The following MYOM1 variants were observed in gnomAD, a reference collection of about 807,000 sequenced individuals.
MYOM1 encodes myomesin 1.
MYOM1 carries 164 observed loss-of-function variants against 205.3 expected under a neutral mutation model. The observed-to-expected ratio is 0.80, with a 90% CI of 0.70 to 0.91. The LOEUF (loss-of-function observed/expected upper bound fraction) is 0.91. Among genes scored for constraint, MYOM1 ranks in the 40% least tolerant of loss-of-function variants. The probability of loss-of-function intolerance (pLI) is 0.00; values close to 1 mark genes in which losing one functional copy is unlikely to be tolerated. For synonymous variants in MYOM1, 772 were observed against 789.4 expected (o/e 0.98, Z 0.37); for missense variants, 2,011 against 2,127.3 (o/e 0.95, Z 1.08).
At chr18:3,076,122 G>A (rs574601890) in intron 34 of MYOM1, among the ~76,000 whole-genome samples, 1 of 152,134 alleles carries the variant, frequency 6.6e-6, no homozygotes, top group Non-Finnish European at 1.5e-5. Context: ...GAGTGCAGTG[G>A]TGCAATCTCG....
chr18:3,072,973 A>ACT (rs1555613713), intron 36 of MYOM1, among the ~76,000 whole-genome samples: 1 of 102,440 alleles, frequency 9.8e-6, no homozygotes, highest in Non-Finnish European at 1.9e-5. Context: ...AGATGTAAGC[A>ACT]TTTTTTTTTT....
the MYOM1 span, among the ~76,000 whole-genome samples, chr18:3,235,884 G>A: frequency 3.9e-4 from 60 of 152,336 alleles, no homozygotes; most frequent in African/African-American, 1.4e-3. Context: ...CGAAAGAGTT[G>A]AGGGCATGAG....
At chr18:3,150,899 T>C (rs1356813621) in intron 12 of MYOM1, among the ~76,000 whole-genome samples, 1 of 151,390 alleles carries the variant, frequency 6.6e-6, no homozygotes, top group African/African-American at 2.4e-5. Flanking sequence ...ACTGCAGCCT[T>C]GACCTCCTGG....
chr18:3,142,875 A>T (rs1440823158), intron 13 of MYOM1, among the ~76,000 whole-genome samples: 1 of 152,210 alleles, frequency 6.6e-6, no homozygotes, highest in East Asian at 1.9e-4. Flanking sequence ...TTTAGTTTAC[A>T]GTTACAGTAA....
rs958340295 is a variant in MYOM1, at chr18:3,148,659, A to G, written c.1900+486T>C. 4.6e-5 allele frequency among the ~76,000 whole-genome samples: 7 copies of G among 151,988 alleles called. No homozygotes were observed. In the East Asian group the frequency reaches 1.2e-3, roughly 25 times the overall value. On this transcript the variant is annotated intron_variant, in intron 13 of 37. Transcript: ENST00000356443. ...TCAGGAGATCGAGACCATCCTGGCT[A>G]ACACGGTGAAATCCCGTCTCTACTA...
the MYOM1 span, among the ~76,000 whole-genome samples, chr18:3,231,445 C>A: frequency 3.9e-5 from 6 of 151,974 alleles, no homozygotes; most frequent in Admixed American, 2.0e-4. Flanking sequence ...GCCCATGAAA[C>A]CCTTGAGAGA....
intron 3 of MYOM1, among the ~76,000 whole-genome samples, chr18:3,191,343 G>C (rs550132258): frequency 6.6e-6 from 1 of 152,114 alleles, no homozygotes; most frequent in Non-Finnish European, 1.5e-5. Context: ...CACTGCATTC[G>C]CCAGGCCTAC....
chr18:3,112,507 AT>A, intron 21 of MYOM1, 95 bp from the exon 22 acceptor site: 2 of 864,790 alleles, frequency 2.3e-6, no homozygotes, highest in Non-Finnish European at 1.7e-6. Flanking sequence ...TGTAGTAATG[AT>A]TTAGTGACCT....
At chr18:3,194,826 TAAGA>T (rs1173041401) in intron 2 of MYOM1, among the ~76,000 whole-genome samples, 1 of 151,952 alleles carries the variant, frequency 6.6e-6, no homozygotes, top group Non-Finnish European at 1.5e-5. Context: ...ATCTACACAT[TAAGA>T]AAGATGTTAA....
At chr18:3,172,578 C>T (rs56824168) in intron 8 of MYOM1, among the ~76,000 whole-genome samples, 26,520 of 151,888 alleles carry the variant, frequency 0.17, 2,556 homozygotes, top group East Asian at 0.38. Context: ...GGCGTGATCT[C>T]GGCTTACTGC....
chr18:3,214,635 C>T (rs1251667390), intron 2 of MYOM1, among the ~76,000 whole-genome samples: 2 of 152,058 alleles, frequency 1.3e-5, no homozygotes, highest in African/African-American at 4.8e-5. Context: ...ACCAGCCTAG[C>T]CAACATGGTG....
the MYOM1 span, among the ~76,000 whole-genome samples, chr18:3,228,569 AG>A: frequency 6.6e-6 from 1 of 152,286 alleles, no homozygotes; most frequent in Non-Finnish European, 1.5e-5. The surrounding 1 kb of genome is among the most constrained non-coding windows in gnomAD (Gnocchi z 4.5). Flanking sequence ...CTGAGTTTTC[AG>A]TTTCAATTCA....
At chr18:3,119,748 GC>G in intron 20 of MYOM1, 120 bp downstream of exon 20, 1 of 1,261,792 alleles carries the variant, frequency 7.9e-7, no homozygotes, top group South Asian at 1.9e-5. Flanking sequence ...AACACAAGGG[GC>G]CAAGAGAATT....
chr18:3,137,486 G>A (rs1483144095), intron 14 of MYOM1, among the ~76,000 whole-genome samples: 1 of 152,106 alleles, frequency 6.6e-6, no homozygotes, highest in Non-Finnish European at 1.5e-5. Flanking sequence ...ATGTTATTCA[G>A]CCACAAAAAA....
upstream of MYOM1, among the ~76,000 whole-genome samples, chr18:3,222,438 T>C (rs1033363540): frequency 2.6e-5 from 4 of 152,234 alleles, no homozygotes; most frequent in Admixed American, 1.3e-4. Flanking sequence ...AATAAACTCT[T>C]GCTTTCACAG....
intron 13 of MYOM1, among the ~76,000 whole-genome samples, chr18:3,146,199 T>A (rs1002411635): frequency 2.0e-5 from 3 of 151,780 alleles, no homozygotes; most frequent in Non-Finnish European, 2.9e-5. Context: ...TTAAAAAAAA[T>A]AATAAAAGTT....
chr18:3,107,802 C>A (rs117461499), intron 22 of MYOM1, among the ~76,000 whole-genome samples: 2,195 of 152,276 alleles, frequency 0.014, 40 homozygotes, highest in Non-Finnish European at 0.018. Flanking sequence ...GCTAAGCTAA[C>A]TTTGGGAGAA....
chr18:3,157,265 G>T (rs1205433549), intron 10 of MYOM1, among the ~76,000 whole-genome samples: 1 of 152,184 alleles, frequency 6.6e-6, no homozygotes, highest in African/African-American at 2.4e-5. Context: ...GTATAGCATT[G>T]CTTGGAACTG....
chr18:3,213,891 T>C (rs371707994), intron 2 of MYOM1, among the ~76,000 whole-genome samples: 13 of 152,212 alleles, frequency 8.5e-5, no homozygotes, highest in African/African-American at 2.9e-4. Flanking sequence ...CTTAACTTTA[T>C]TGTTTCCAAA....
Sources: gnomAD v4.1 joint callset for allele counts (sites outside exome capture counted in the v4.1 genomes callset) on GRCh38, gnomAD v4.1.1 for gene constraint, Gnocchi (gnomAD v3.1) non-coding constraint, MANE v1.5 for transcripts, NCBI Gene and HGNC (gene_info 2026-07-23, HGNC 2026-07-21) for gene names.